Variants in MSRB3 observed in about 807,000 individuals in gnomAD.
MSRB3 encodes the protein methionine sulfoxide reductase B3.
A neutral mutation model predicts 21.0 loss-of-function variants in MSRB3; 13 were observed. The ratio of observed to expected loss-of-function variants is 0.62; its 90% CI spans 0.40 to 0.98. The LOEUF (loss-of-function observed/expected upper bound fraction) is 0.98, where lower values mean the gene tolerates loss of function less well. MSRB3 is among the 50% of genes least tolerant of loss of function. The probability of loss-of-function intolerance (pLI) is 0.00; values close to 1 mark genes in which losing one functional copy is unlikely to be tolerated. For synonymous variants in MSRB3, 87 were observed against 88.6 expected (o/e 0.98, Z 0.10); for missense variants, 199 against 230.3 (o/e 0.86, Z 0.88).
At position 65,392,560 on chromosome 12, in the gene MSRB3, A is replaced by AC. The variant is rs370579266; in HGVS notation, c.292+23538dup. Among the ~76,000 whole-genome samples the AC allele has an allele frequency of 3.6e-3, 546 of 152,234 alleles. 3 individuals carry two copies. Among genetic ancestry groups the AC allele is most frequent in the Middle Eastern group, 0.014 (4 of 294 alleles). On this transcript the variant is annotated intron_variant, in intron 5 of 6. Transcript: ENST00000308259. Reference sequence around the variant, plus strand: ...CTGATTCCCAAGTAATACCTTTGGTACCCCAATTCAGTCCTTCTTGTTTGG... The same window carrying AC: ...CTGATTCCCAAGTAATACCTTTGGTACCCCCAATTCAGTCCTTCTTGTTTGG...
At chr12:65,350,043 G>A (rs1223874660) in intron 4 of MSRB3, among the ~76,000 whole-genome samples, 3 of 151,938 alleles carry the variant, frequency 2.0e-5, no homozygotes, top group Admixed American at 6.6e-5. Context: ...ATGGTTTTAG[G>A]TCTAACATTT....
chr12:65,388,824 A>T (rs943060414), intron 5 of MSRB3, among the ~76,000 whole-genome samples: 2 of 152,138 alleles, frequency 1.3e-5, no homozygotes, highest in African/African-American at 4.8e-5. Flanking sequence ...GTGCGCCATG[A>T]TCGTTCGCTG....
At chr12:65,371,571 T>TTG (rs1878327782) in intron 5 of MSRB3, among the ~76,000 whole-genome samples, 1 of 93,896 alleles carries the variant, frequency 1.1e-5, no homozygotes, top group Non-Finnish European at 2.1e-5. Context: ...AAGTTAAATT[T>TTG]TATGTGTGTG....
chr12:65,457,268 CGTGCAGG>C (rs1883131063), intron 6 of MSRB3, among the ~76,000 whole-genome samples: 1 of 151,938 alleles, frequency 6.6e-6, no homozygotes, highest in Admixed American at 6.6e-5. Context: ...ATGTGCAGAA[CGTGCAGG>C]TTTGTTACAT....
At chr12:65,434,514 G>C (rs1484323931) in intron 5 of MSRB3, among the ~76,000 whole-genome samples, 2 of 151,862 alleles carry the variant, frequency 1.3e-5, no homozygotes, top group Non-Finnish European at 2.9e-5. Flanking sequence ...CAGAAATAGT[G>C]AAGAATATTT....
intron 4 of MSRB3, among the ~76,000 whole-genome samples, chr12:65,364,571 A>T (rs1237866769): frequency 6.6e-6 from 1 of 152,166 alleles, no homozygotes. Flanking sequence ...ATAAACACGT[A>T]AAAATATGTT....
intron 5 of MSRB3, among the ~76,000 whole-genome samples, chr12:65,416,561 C>T (rs1335208052): frequency 1.3e-5 from 2 of 152,182 alleles, no homozygotes; most frequent in Non-Finnish European, 2.9e-5. Flanking sequence ...TGCTTTTAGG[C>T]TACTAACCTC....
chr12:65,335,984 T>G (rs1455113649), intron 4 of MSRB3, among the ~76,000 whole-genome samples: 1 of 152,222 alleles, frequency 6.6e-6, no homozygotes, highest in African/African-American at 2.4e-5. Context: ...GAGTGGTGGC[T>G]TACTTAAAGT....
intron 4 of MSRB3, among the ~76,000 whole-genome samples, chr12:65,337,135 C>T (rs1400809422): frequency 2.6e-5 from 4 of 152,010 alleles, no homozygotes; most frequent in Admixed American, 6.5e-5. Context: ...CCCAGCTACT[C>T]GGGAGGCTGA....
chr12:65,410,530 GCTA>G (rs752513995), intron 5 of MSRB3, among the ~76,000 whole-genome samples: 38 of 152,212 alleles, frequency 2.5e-4, no homozygotes, highest in Non-Finnish European at 5.6e-4. Flanking sequence ...TATAGTCACA[GCTA>G]CTTGGGGGGC....
At chr12:65,440,705 A>G (rs1195407070) in intron 5 of MSRB3, among the ~76,000 whole-genome samples, 2 of 151,992 alleles carry the variant, frequency 1.3e-5, no homozygotes, top group Non-Finnish European at 2.9e-5. Context: ...ACCAAGAAAT[A>G]GTAACCTATG....
intron 5 of MSRB3, among the ~76,000 whole-genome samples, chr12:65,412,645 C>A (rs754152736): frequency 6.6e-6 from 1 of 152,066 alleles, no homozygotes; most frequent in African/African-American, 2.4e-5. Context: ...TACTTTAGCA[C>A]CAACCTAGTA....
chr12:65,352,081 C>T (rs1236405992), intron 4 of MSRB3, among the ~76,000 whole-genome samples: 4 of 151,900 alleles, frequency 2.6e-5, no homozygotes, highest in South Asian at 4.1e-4. Context: ...ACTGGCAAAA[C>T]GAATCCAGCA....
chr12:65,380,923 T>C (rs1478600242), intron 5 of MSRB3, among the ~76,000 whole-genome samples: 1 of 152,180 alleles, frequency 6.6e-6, no homozygotes, highest in African/African-American at 2.4e-5. Context: ...TATGCTTTTT[T>C]AGTCATACAC....
chr12:65,341,828 A>G (rs999804030), intron 4 of MSRB3, among the ~76,000 whole-genome samples: 2 of 152,046 alleles, frequency 1.3e-5, no homozygotes, highest in African/African-American at 4.8e-5. Context: ...CAAATGGTTC[A>G]ATACTGGGAC....
intron 1 of MSRB3, among the ~76,000 whole-genome samples, chr12:65,292,922 A>G (rs771049389): frequency 2.2e-4 from 33 of 152,090 alleles, no homozygotes; most frequent in Non-Finnish European, 4.1e-4. Context: ...CAATATACAG[A>G]CAGAACTAAA....
intron 5 of MSRB3, among the ~76,000 whole-genome samples, chr12:65,395,492 G>T (rs950134455): frequency 4.0e-5 from 6 of 151,750 alleles, no homozygotes; most frequent in African/African-American, 1.5e-4. Context: ...AAGGAATCCA[G>T]CTTTAAAAAT....
chr12:65,346,388 G>A (rs1876508439), intron 4 of MSRB3, among the ~76,000 whole-genome samples: 1 of 152,130 alleles, frequency 6.6e-6, no homozygotes, highest in Admixed American at 6.5e-5. Context: ...GTCTCCTTTT[G>A]AGAAGTGTCT....
intron 4 of MSRB3, among the ~76,000 whole-genome samples, chr12:65,362,146 T>C (rs1877745773): frequency 6.6e-6 from 1 of 152,172 alleles, no homozygotes; most frequent in African/African-American, 2.4e-5. Flanking sequence ...AGGTTTGGAA[T>C]AGAAATGATA....
Sources: gnomAD v4.1 joint callset for allele counts (sites outside exome capture counted in the v4.1 genomes callset) on GRCh38, gnomAD v4.1.1 for gene constraint, MANE v1.5 for transcripts, NCBI Gene and HGNC (gene_info 2026-07-23, HGNC 2026-07-21) for gene names.